Variants in RAD54L2 observed in about 807,000 individuals in gnomAD.
RAD54L2 encodes helicase ARIP4.
RAD54L2 carries 27 observed loss-of-function variants against 138.4 expected under a neutral mutation model. The ratio of observed to expected loss-of-function variants is 0.20; its 90% CI spans 0.14 to 0.27. The LOEUF is 0.27. Among genes scored for constraint, RAD54L2 ranks in the 10% least tolerant of loss-of-function variants. The pLI, the probability that RAD54L2 is intolerant of heterozygous loss-of-function variation, is 1.00. For synonymous variants in RAD54L2, 644 were observed against 723.2 expected (o/e 0.89, Z 1.76); for missense variants, 1,396 against 1,890.2 (o/e 0.74, Z 4.85).
intron 2 of RAD54L2, among the ~76,000 whole-genome samples, chr3:51,545,034 T>G (rs1444826138): frequency 6.6e-6 from 1 of 152,174 alleles, no homozygotes; most frequent in African/African-American, 2.4e-5. Context: ...TATTCAGGAG[T>G]TAGAATTCAG....
chr3:51,639,091 C>T (rs1011290746), intron 12 of RAD54L2: 4 of 332,308 alleles, frequency 1.2e-5, no homozygotes, highest in African/African-American at 2.1e-5. Context: ...CAGACTGTAG[C>T]CACACTGTGA....
intron 3 of RAD54L2, among the ~76,000 whole-genome samples, chr3:51,608,574 C>G (rs984951845): frequency 2.0e-5 from 3 of 152,230 alleles, no homozygotes; most frequent in Admixed American, 6.5e-5. Flanking sequence ...TCTGCAATCC[C>G]GGCACCTCGG....
Position 51,663,538 on chromosome 3 carries a change from C to A in RAD54L2, c.*118C>A, listed in dbSNP as rs1577476574. The A allele has an allele frequency of 1.1e-6, 1 of 933,710 alleles. No individual in the cohort carries two copies. Among genetic ancestry groups the A allele is most frequent in the South Asian group, 2.0e-5 (1 of 50,176 alleles). 57.8% of individuals were successfully genotyped at this position (933,710 alleles called of 1,614,324 possible). On this transcript the variant is annotated 3_prime_UTR_variant, in exon 23 of 23. Transcript: ENST00000684192. ...TTGGCAGGAGGGAAAAGGAAGAGGA[C>A]AAAGGAGGGTGGTTGGCCAAAGTGG...
At chr3:51,590,024 C>G (rs192484579) in intron 2 of RAD54L2, among the ~76,000 whole-genome samples, 115 of 152,134 alleles carry the variant, frequency 7.6e-4, no homozygotes, top group Non-Finnish European at 1.4e-3. Flanking sequence ...AGAGTCTCAC[C>G]TCGTCGCTCA....
chr3:51,660,808 G>A (rs2106856756), intron 22 of RAD54L2, among the ~76,000 whole-genome samples: 1 of 151,562 alleles, frequency 6.6e-6, no homozygotes, highest in East Asian at 1.9e-4. Context: ...TTTTAGTAGA[G>A]ATTGGGTTTC....
Position 51,662,672 on chromosome 3 carries a change from C to G in RAD54L2, c.3656C>G (p.Ala1219Gly). 1.2e-6 allele frequency: 2 copies of G among 1,613,762 alleles called. No individual in the cohort carries two copies. Among genetic ancestry groups the G allele is most frequent in the Non-Finnish European group, 1.7e-6 (2 of 1,179,824 alleles). The change falls in exon 23 of 23, where the codon GCT becomes GGT. Residue 1219 changes from alanine (A) to glycine (G), a missense_variant. By Grantham distance (60) the Ala-to-Gly change is moderately conservative. Transcript: ENST00000684192. The surrounding 1 kb of genome is among the most constrained non-coding windows in gnomAD (Gnocchi z 4.6). ...LMDSSAVPGT[A>G]LGTEPRLGGH... is the part of the protein sequence containing the mutation. ...GACAGCAGTGCTGTTCCCGGGACAG[C>G]TCTCGGAACTGAGCCTCGACTAGGG... is the stretch of plus-strand genomic sequence containing the variant.
intron 22 of RAD54L2, among the ~76,000 whole-genome samples, chr3:51,660,621 G>GTT (rs142172583): frequency 3.1e-5 from 4 of 127,614 alleles, no homozygotes; most frequent in East Asian, 2.2e-4. Context: ...TTTTTGTTTT[G>GTT]TTTTTTTTGT....
chr3:51,549,935 G>T (rs1288321176), intron 2 of RAD54L2, among the ~76,000 whole-genome samples: 2 of 151,928 alleles, frequency 1.3e-5, no homozygotes, highest in Non-Finnish European at 2.9e-5. Flanking sequence ...CTTGGCTCTG[G>T]TTGGTCATGG....
chr3:51,554,008 A>G (rs1204805441), intron 2 of RAD54L2, among the ~76,000 whole-genome samples: 5 of 152,204 alleles, frequency 3.3e-5, no homozygotes, highest in Non-Finnish European at 7.3e-5. Flanking sequence ...GGTCTTGCCT[A>G]GACATTGATG....
intron 22 of RAD54L2, among the ~76,000 whole-genome samples, chr3:51,661,822 G>A (rs563451464): frequency 5.1e-4 from 78 of 152,078 alleles, no homozygotes; most frequent in Admixed American, 1.0e-3. Context: ...TTCGTAAGTC[G>A]AAGATATATG....
chr3:51,633,249 A>G (rs1310062413), intron 7 of RAD54L2, among the ~76,000 whole-genome samples: 3 of 152,130 alleles, frequency 2.0e-5, no homozygotes, highest in Admixed American at 2.0e-4. Flanking sequence ...AACTACTCCT[A>G]TGGAATGGGC....
At chr3:51,626,957 G>A (rs1700707072) in intron 3 of RAD54L2, among the ~76,000 whole-genome samples, 1 of 152,096 alleles carries the variant, frequency 6.6e-6, no homozygotes, top group Admixed American at 6.6e-5. Flanking sequence ...GTCTGTGTTT[G>A]TACATGCCCT....
At chr3:51,588,574 T>C (rs903773671) in intron 2 of RAD54L2, among the ~76,000 whole-genome samples, 4 of 145,600 alleles carry the variant, frequency 2.7e-5, no homozygotes, top group African/African-American at 7.6e-5. Flanking sequence ...ATTTGAAATA[T>C]ACAGAAAAAA....
At chr3:51,603,903 T>C (rs1402118745) in intron 3 of RAD54L2, among the ~76,000 whole-genome samples, 1 of 152,084 alleles carries the variant, frequency 6.6e-6, no homozygotes, top group Admixed American at 6.6e-5. Flanking sequence ...GTTGGAGAGT[T>C]TGGGCAGAGG....
chr3:51,589,693 C>CAT (rs1207074191), intron 2 of RAD54L2, among the ~76,000 whole-genome samples: 1 of 151,270 alleles, frequency 6.6e-6, no homozygotes, highest in African/African-American at 2.4e-5. Context: ...TACACACACA[C>CAT]ACACACACAC....
At chr3:51,643,265 C>T (rs983798827) in intron 15 of RAD54L2, among the ~76,000 whole-genome samples, 1 of 152,214 alleles carries the variant, frequency 6.6e-6, no homozygotes, top group African/African-American at 2.4e-5. Context: ...GATCTCTTGA[C>T]CTCGTGATCT....
At position 51,638,096 on chromosome 3, in the gene RAD54L2, C is replaced by T; in HGVS notation, c.1683-48C>T. The T allele has an allele frequency of 1.3e-6, 2 of 1,581,128 alleles. No homozygotes were observed. The highest frequency in any genetic ancestry group is 1.7e-6 in the Non-Finnish European group (2 of 1,153,908). ...GCTCTGTTTTTATCTTGTGCTGACCCCTCCTGGCCACACTACCTTGCCGTT... is the reference window on the plus strand; with the variant it reads ...GCTCTGTTTTTATCTTGTGCTGACCTCTCCTGGCCACACTACCTTGCCGTT... On this transcript the variant is annotated intron_variant, in intron 11 of 22. Coordinates refer to ENST00000684192, the MANE Select transcript of RAD54L2 (RefSeq NM_015106.4). The surrounding 1 kb of genome is among the most constrained non-coding windows in gnomAD (Gnocchi z 4.3).
At chr3:51,658,443 A>G (rs1015041207) in intron 21 of RAD54L2, among the ~76,000 whole-genome samples, 2 of 152,214 alleles carry the variant, frequency 1.3e-5, no homozygotes, top group Admixed American at 1.3e-4. Context: ...TAATTTAAAA[A>G]GTCCACATCT....
chr3:51,639,640 G>A lies in RAD54L2; in HGVS notation c.2082G>A (p.Glu694=), dbSNP rs184530107. ...GCGTTGGCTTCAACCCTTTCCAGGA[G>A]CGAGGCAACAACATTGTCACATATG... ...LQGVGFNPFQ[E]RGNNIVTYEW... The change falls in exon 13 of 23, where the codon GAG becomes GAA. Residue 694 remains glutamate (E), a synonymous_variant. Transcript: ENST00000684192. 1 of 1,613,862 alleles carries A rather than the reference G, an allele frequency of 6.2e-7. No homozygotes were observed. The highest frequency in any genetic ancestry group is 1.7e-5 in the Admixed American group (1 of 59,992).
Sources: gnomAD v4.1 joint callset for allele counts (sites outside exome capture counted in the v4.1 genomes callset) on GRCh38, gnomAD v4.1.1 for gene constraint, Gnocchi (gnomAD v3.1) non-coding constraint, MANE v1.5 for transcripts, NCBI Gene and HGNC (gene_info 2026-07-23, HGNC 2026-07-21) for gene names.